MINDY1: variants seen among roughly 807,000 people sequenced by gnomAD.
MINDY1 encodes MINDY lysine 48 deubiquitinase 1.
MINDY1 carries 50 observed loss-of-function variants against 53.6 expected under a neutral mutation model. The observed-to-expected ratio is 0.93, with a 90% CI of 0.74 to 1.18. The LOEUF (loss-of-function observed/expected upper bound fraction) is 1.18. MINDY1 is among the 50% of genes most tolerant of loss of function. MINDY1 has a pLI of 0.00. For synonymous variants in MINDY1, 231 were observed against 234.7 expected (o/e 0.98, Z 0.14); for missense variants, 484 against 578.6 (o/e 0.84, Z 1.68).
Position 150,997,290 on chromosome 1 carries a change from C to T in MINDY1, c.1407G>A (p.Leu469=), listed in dbSNP as rs1426274520. ...CCAGCCTGGCACTGGGGCAGAGCTA[C>T]AGCAGAATGCAGTCTGACTCGTGCT... ...RPKHESDCIL[L] is the part of the protein sequence containing the mutation. The change falls in exon 10 of 10, where the codon CTG becomes CTA. Residue 469 remains leucine (L), a synonymous_variant. Coordinates refer to ENST00000683666, the MANE Select transcript of MINDY1 (RefSeq NM_001376665.1). 12 of 1,588,472 alleles carry T rather than the reference C, an allele frequency of 7.6e-6. No homozygotes were observed. Among genetic ancestry groups the T allele is most frequent in the Admixed American group, 1.7e-5 (1 of 57,844 alleles).
upstream of MINDY1, among the ~76,000 whole-genome samples, chr1:151,007,794 T>G (rs1673390240): frequency 6.6e-6 from 1 of 152,180 alleles, no homozygotes; most frequent in African/African-American, 2.4e-5. Flanking sequence ...TCTGAAGGGT[T>G]CCCTAAACTC....
chr1:150,999,365 T>C lies in MINDY1; in HGVS notation c.981+4A>G, dbSNP rs748381848. The stretch of plus-strand genomic sequence containing the variant: ...GCAGCACGCCACCCCCAAACTCGCA[T>C]TACCTTATGCTTAGTCATGGTGCTA... On this transcript the variant is annotated splice_donor_region_variant and intron_variant, in intron 7 of 9. Transcript: ENST00000683666. This position sits in a 1 kb window ranked among gnomAD's most constrained non-coding sequence, Gnocchi z 4.4. The C allele has an allele frequency of 6.8e-6, 11 of 1,613,790 alleles. No individual in the cohort carries two copies. In the Admixed American group the frequency reaches 1.3e-4, roughly 20 times the overall value.
intron 1 of MINDY1, among the ~76,000 whole-genome samples, chr1:151,003,499 G>C (rs1418698144): frequency 6.6e-6 from 1 of 152,088 alleles, no homozygotes; most frequent in East Asian, 1.9e-4. Flanking sequence ...AATAACTTCA[G>C]ATTAGGGGCA....
At chr1:150,997,536 A>G (rs1373747635) in intron 9 of MINDY1, 88 bp downstream of exon 9, 2 of 1,595,834 alleles carry the variant, frequency 1.3e-6, no homozygotes, top group African/African-American at 1.3e-5. Flanking sequence ...GAAACCTTGA[A>G]GAGACCAGTG....
Position 150,998,160 on chromosome 1 carries a change from G to A in MINDY1, c.1095C>T (p.His365=), listed in dbSNP as rs1672066045. ...GCCCCTTGCCCAGGGAATGACTCAGGTGAAAGTCAGAGTCACAAAAGCAGC... is the reference window on the plus strand; with the variant it reads ...GCCCCTTGCCCAGGGAATGACTCAGATGAAAGTCAGAGTCACAAAAGCAGC... The part of the protein sequence containing the change: ...GDSCFCDSDF[H]LSHSLGKGPG... Residue 365 remains histidine, a synonymous_variant, in exon 8 of 10, where the codon CAC becomes CAT. Coordinates refer to ENST00000683666, the MANE Select transcript of MINDY1 (RefSeq NM_001376665.1). The A allele has an allele frequency of 6.2e-7, 1 of 1,614,116 alleles. No individual in the cohort carries two copies. Among genetic ancestry groups the A allele is most frequent in the African/African-American group, 1.3e-5 (1 of 75,062 alleles).
At chr1:151,008,207 A>G, upstream of MINDY1, 4 of 1,094,678 alleles carry the variant, frequency 3.7e-6, no homozygotes, top group Non-Finnish European at 3.4e-6. Context: ...TCTGAGAGGG[A>G]AAGTTCAGAT....
rs920130967 is a variant in MINDY1 at position 151,006,888 on chromosome 1, C to T, written c.-666G>A. The T allele has an allele frequency of 1.2e-5, 12 of 985,230 alleles. No homozygotes were observed. In the African/African-American group the frequency reaches 1.4e-4, roughly 11 times the overall value. The allele number at this position is 985,230 out of a possible 1,614,324, so 61.0% of individuals were successfully genotyped here. On this transcript the variant is annotated 5_prime_UTR_variant, in exon 1 of 10. Coordinates refer to ENST00000683666, the MANE Select transcript of MINDY1 (RefSeq NM_001376665.1). The stretch of plus-strand genomic sequence containing the variant: ...CTGCCTGCCTCTAGAAGGGACGGAG[C>T]GCTTGTGCCTCTCTGGTGAGAATAG...
At position 151,002,047 on chromosome 1, in the gene MINDY1, TAGGG is replaced by T. The variant is rs1672642681; in HGVS notation, c.453+114_453+117del. ...ATCTCATTTGCTCAAGCTGGAGAAA[TAGGG>T]AGAACAATCTGAAAAGTTTTGACTA... On this transcript the variant is annotated intron_variant, in intron 2 of 9. Coordinates refer to ENST00000683666, the MANE Select transcript of MINDY1 (RefSeq NM_001376665.1). The surrounding 1 kb of genome is among the most constrained non-coding windows in gnomAD (Gnocchi z 4.1). The T allele has an allele frequency of 9.4e-7, 1 of 1,058,962 alleles. No homozygotes were observed. The highest frequency in any genetic ancestry group is 1.4e-6 in the Non-Finnish European group (1 of 731,034). 65.6% of individuals were successfully genotyped at this position (1,058,962 alleles called of 1,614,324 possible). A position where few individuals can be genotyped will look rare whatever the true frequency, so the allele number is the denominator to read the frequency against.
At chr1:150,997,573 G>T (rs369462765) in intron 9 of MINDY1, 51 bp downstream of exon 9, 28 of 1,602,060 alleles carry the variant, frequency 1.7e-5, no homozygotes, top group Non-Finnish European at 2.4e-5. Flanking sequence ...TCTGGACCCG[G>T]CAAAGCATGA....
chr1:151,004,243 G>A (rs1228228684), intron 1 of MINDY1, among the ~76,000 whole-genome samples: 1 of 152,018 alleles, frequency 6.6e-6, no homozygotes, highest in Non-Finnish European at 1.5e-5. Flanking sequence ...CATTTTAGAT[G>A]TGAACACCGG....
chr1:151,001,880 G>A (rs1490763268), intron 2 of MINDY1, 98 bp from the exon 3 acceptor site: 1 of 1,363,622 alleles, frequency 7.3e-7, no homozygotes, highest in East Asian at 2.5e-5. Flanking sequence ...TAGTAGGGTG[G>A]GGTAGGAAAA....
rs1196943758 is a variant in MINDY1, at chr1:151,006,557, G to A, written c.-335C>T. 6 of 999,150 alleles carry A rather than the reference G, an allele frequency of 6.0e-6. No homozygotes were observed. The East Asian group carries it at 5.3e-4, about 88-fold the overall frequency. 61.9% of individuals were successfully genotyped at this position (999,150 alleles called of 1,614,324 possible). A position where few individuals can be genotyped will look rare whatever the true frequency, so the allele number is the denominator to read the frequency against. ...TGAAGGCAGGCAGGGACACAGCCAA[G>A]GTGCTCCAGGTCGCTCAGAGAGTCT... On this transcript the variant is annotated 5_prime_UTR_variant, in exon 1 of 10. Transcript: ENST00000683666.
intron 9 of MINDY1, 62 bp downstream of exon 9, chr1:150,997,562 T>G (rs753715264): frequency 2.5e-6 from 4 of 1,601,622 alleles, no homozygotes; most frequent in Non-Finnish European, 3.4e-6. Flanking sequence ...ATAACAGGTG[T>G]TCTGGACCCG....
Position 150,999,607 on chromosome 1 carries a change from G to A in MINDY1, c.839-96C>T. 1 of 1,508,644 alleles carries A rather than the reference G, an allele frequency of 6.6e-7. No homozygotes were observed. Among genetic ancestry groups the A allele is most frequent in the Non-Finnish European group, 9.0e-7 (1 of 1,111,154 alleles). 93.5% of individuals were successfully genotyped at this position (1,508,644 alleles called of 1,614,324 possible). A position where few individuals can be genotyped will look rare whatever the true frequency, so the allele number is the denominator to read the frequency against. On this transcript the variant is annotated intron_variant, in intron 6 of 9. Coordinates refer to ENST00000683666, the MANE Select transcript of MINDY1 (RefSeq NM_001376665.1). The surrounding 1 kb of genome is among the most constrained non-coding windows in gnomAD (Gnocchi z 4.4). Reference sequence around the variant, plus strand: ...AGAGCCCCTGTCAAAAGCCCCGGGGGGTCAGTCCCACCTTCTGACGTCCCT... The same window carrying A: ...AGAGCCCCTGTCAAAAGCCCCGGGGAGTCAGTCCCACCTTCTGACGTCCCT...
rs1284181343 is a variant in MINDY1, at chr1:151,006,414, C to T, written c.-192G>A. ...TGAAGGGGGCTGCCAGTGCCAGCTG[C>T]CTTCCAGCTGTCAACGCCTGAGCTT... On this transcript the variant is annotated 5_prime_UTR_variant, in exon 1 of 10. Transcript: ENST00000683666. The T allele has an allele frequency of 3.0e-6, 4 of 1,323,926 alleles. No homozygotes were observed. Among genetic ancestry groups the T allele is most frequent in the Non-Finnish European group, 3.9e-6 (4 of 1,031,770 alleles). 82.0% of individuals were successfully genotyped at this position (1,323,926 alleles called of 1,614,324 possible). A position where few individuals can be genotyped will look rare whatever the true frequency, so the allele number is the denominator to read the frequency against.
At chr1:151,000,263 G>A (rs1472693556) in intron 5 of MINDY1, among the ~76,000 whole-genome samples, 194 bp downstream of exon 5, 1 of 152,088 alleles carries the variant, frequency 6.6e-6, no homozygotes, top group Non-Finnish European at 1.5e-5. Context: ...TTTGCATGTA[G>A]TTTGCTTGTA....
Position 151,002,455 on chromosome 1 carries a change from G to C in MINDY1, c.163C>G (p.Gln55Glu). The C allele has an allele frequency of 6.2e-7, 1 of 1,614,172 alleles. No individual in the cohort carries two copies. Among genetic ancestry groups the C allele is most frequent in the Non-Finnish European group, 8.5e-7 (1 of 1,180,036 alleles). The change falls in exon 2 of 10, where the codon CAA (glutamine) becomes GAA (glutamate). Residue 55 changes from glutamine to glutamate, a missense_variant. Gln to Glu is a conservative substitution (Grantham distance 29). Transcript: ENST00000683666. The surrounding 1 kb of genome is among the most constrained non-coding windows in gnomAD (Gnocchi z 4.1). ...GEAREREPAD[Q>E]ALLPSQCGDN... ...CCACACTGGCTAGGCAGCAAAGCTT[G>C]GTCTGCTGGCTCCCGTTCTCTAGCC...
chr1:151,004,147 T>C (rs1303816227), intron 1 of MINDY1, among the ~76,000 whole-genome samples: 2 of 151,660 alleles, frequency 1.3e-5, no homozygotes, highest in Admixed American at 6.6e-5. Flanking sequence ...GGTCTTGAAC[T>C]TCCGACCTCA....
chr1:150,999,295 C>A lies in MINDY1; in HGVS notation c.981+74G>T. On this transcript the variant is annotated intron_variant, in intron 7 of 9. Transcript: ENST00000683666. The surrounding 1 kb of genome is among the most constrained non-coding windows in gnomAD (Gnocchi z 4.4). ...GCTACCACGGCTTAATCTAGCTGAT[C>A]CCAGCTGGACCCACGAGAAAAAGGC... 1 of 1,582,540 alleles carries A rather than the reference C, an allele frequency of 6.3e-7. No individual in the cohort carries two copies. Among genetic ancestry groups the A allele is most frequent in the South Asian group, 1.1e-5 (1 of 87,838 alleles).
Sources: allele counts gnomAD v4.1 joint callset (sites outside exome capture counted in the v4.1 genomes callset), GRCh38; gene constraint gnomAD v4.1.1; non-coding constraint Gnocchi (gnomAD v3.1); transcripts MANE v1.5; gene names NCBI Gene and HGNC (gene_info 2026-07-23, HGNC 2026-07-21).